Variants in RBFOX1 observed in about 807,000 individuals in gnomAD.
RBFOX1 encodes the protein RNA binding fox-1 homolog 1.
In RBFOX1, 8 loss-of-function variants were observed where a neutral mutation model predicts 57.7. The ratio of observed to expected loss-of-function variants is 0.14; its 90% CI spans 0.08 to 0.25. The LOEUF (loss-of-function observed/expected upper bound fraction) is 0.25. Ranked by LOEUF, RBFOX1 falls within the 10% of genes least tolerant of loss-of-function variation. RBFOX1 has a pLI of 1.00. For synonymous variants in RBFOX1, 326 were observed against 222.4 expected (o/e 1.47, Z -4.15); for missense variants, 611 against 548.5 (o/e 1.11, Z -1.14).
At chr16:6,597,535 T>C (rs556437652) in intron 2 of RBFOX1, among the ~76,000 whole-genome samples, 2 of 152,062 alleles carry the variant, frequency 1.3e-5, no homozygotes, top group South Asian at 4.2e-4. Context: ...TAGCCAGGCG[T>C]GGTTGCAGGC....
At chr16:6,905,779 C>T (rs2069721825) in intron 3 of RBFOX1, among the ~76,000 whole-genome samples, 1 of 152,198 alleles carries the variant, frequency 6.6e-6, no homozygotes, top group African/African-American at 2.4e-5. Flanking sequence ...TTTCAAGAGA[C>T]AGACTGAGCC....
chr16:7,024,812 G>C (rs1344887373), intron 3 of RBFOX1, among the ~76,000 whole-genome samples: 9 of 152,162 alleles, frequency 5.9e-5, no homozygotes, highest in Non-Finnish European at 5.9e-5. Context: ...GACCCTGTTG[G>C]ATGTTAACCA....
chr16:6,370,013 A>G (rs1184087438), intron 2 of RBFOX1, among the ~76,000 whole-genome samples: 1 of 152,086 alleles, frequency 6.6e-6, no homozygotes, highest in Non-Finnish European at 1.5e-5. Context: ...CTTTTAATCC[A>G]CAACAGTGAC....
At chr16:7,517,862 C>CTAATAT (rs1338066512) in intron 4 of RBFOX1, among the ~76,000 whole-genome samples, 1 of 151,954 alleles carries the variant, frequency 6.6e-6, no homozygotes, top group Non-Finnish European at 1.5e-5. Context: ...GCCACAGACC[C>CTAATAT]TCATGTCTTT....
At chr16:6,780,510 A>ATATACATTTTTATATATATT (rs1567218160) in intron 3 of RBFOX1, among the ~76,000 whole-genome samples, 2 of 115,142 alleles carry the variant, frequency 1.7e-5, no homozygotes, top group African/African-American at 6.5e-5. Flanking sequence ...TTATATATTT[A>ATATACATTTTTATATATATT]TATATACATT....
At chr16:5,312,706 C>G (rs2064125218) in intron 1 of RBFOX1, among the ~76,000 whole-genome samples, 1 of 152,208 alleles carries the variant, frequency 6.6e-6, no homozygotes, top group Non-Finnish European at 1.5e-5. Context: ...CAAAAGAAGA[C>G]ATACAAATGA....
At chr16:7,633,199 G>A (rs1293263629) in intron 11 of RBFOX1, among the ~76,000 whole-genome samples, 5 of 152,050 alleles carry the variant, frequency 3.3e-5, no homozygotes, top group Non-Finnish European at 5.9e-5. Flanking sequence ...TTAACAGTCC[G>A]GCTCTTTACA....
chr16:6,587,334 T>C (rs1457488050), intron 2 of RBFOX1, among the ~76,000 whole-genome samples: 1 of 152,154 alleles, frequency 6.6e-6, no homozygotes, highest in Non-Finnish European at 1.5e-5. Flanking sequence ...CAGGCTATAG[T>C]GCCGTGGTGC....
chr16:5,274,030 T>G (rs2151130817), intron 1 of RBFOX1, among the ~76,000 whole-genome samples: 1 of 152,312 alleles, frequency 6.6e-6, no homozygotes, highest in Non-Finnish European at 1.5e-5. Flanking sequence ...CTCTCAGGTT[T>G]GTGGGGAAGG....
chr16:6,736,253 T>C (rs2070265455), intron 3 of RBFOX1, among the ~76,000 whole-genome samples: 1 of 152,140 alleles, frequency 6.6e-6, no homozygotes, highest in African/African-American at 2.4e-5. Context: ...TTAGTGGTGA[T>C]TTGTGAGATT....
At chr16:7,110,836 T>C (rs976857858) in intron 4 of RBFOX1, among the ~76,000 whole-genome samples, 2 of 152,224 alleles carry the variant, frequency 1.3e-5, no homozygotes, top group South Asian at 4.1e-4. Context: ...ATATTTATTC[T>C]AGTATATAAC....
chr16:6,870,113 T>G (rs981209485), intron 3 of RBFOX1, among the ~76,000 whole-genome samples: 1 of 152,148 alleles, frequency 6.6e-6, no homozygotes, highest in African/African-American at 2.4e-5. Context: ...ATAATGATGA[T>G]TTTTTGCATA....
chr16:6,557,729 C>T (rs578088287), intron 2 of RBFOX1, among the ~76,000 whole-genome samples: 6 of 152,258 alleles, frequency 3.9e-5, no homozygotes, highest in African/African-American at 1.4e-4. Flanking sequence ...AAGCATTTTC[C>T]TTCTTCGGTA....
chr16:5,895,682 T>C (rs2058147160), intron 4 of RBFOX1, among the ~76,000 whole-genome samples: 1 of 152,166 alleles, frequency 6.6e-6, no homozygotes, highest in East Asian at 1.9e-4. Flanking sequence ...TCTTGCAGAC[T>C]TAGTCTTCTC....
At chr16:5,687,187 TA>T (rs1596755615) in intron 3 of RBFOX1, among the ~76,000 whole-genome samples, 1 of 152,056 alleles carries the variant, frequency 6.6e-6, no homozygotes, top group East Asian at 1.9e-4. Context: ...TACAGTGGAA[TA>T]GGGGGAGACA....
chr16:5,283,269 A>G (rs11646165), intron 1 of RBFOX1, among the ~76,000 whole-genome samples: 19,585 of 152,220 alleles, frequency 0.13, 1,339 homozygotes, highest in Middle Eastern at 0.18. Context: ...GAGAACCTCT[A>G]CTAGGGCAGT....
intron 3 of RBFOX1, among the ~76,000 whole-genome samples, chr16:6,716,335 C>G (rs1192519772): frequency 2.0e-5 from 3 of 152,176 alleles, no homozygotes; most frequent in Non-Finnish European, 4.4e-5. Context: ...CCATGACCTT[C>G]CCTCTTGCTC....
At chr16:7,447,641 A>C (rs913553097) in intron 4 of RBFOX1, among the ~76,000 whole-genome samples, 5 of 152,178 alleles carry the variant, frequency 3.3e-5, no homozygotes, top group Non-Finnish European at 7.3e-5. Context: ...GCTGTATCCC[A>C]AACTTTTCCT....
intron 14 of RBFOX1, among the ~76,000 whole-genome samples, chr16:7,705,985 C>G (rs544939535): frequency 4.4e-4 from 67 of 152,298 alleles, no homozygotes; most frequent in African/African-American, 1.6e-3. Context: ...CGTGTCCTAA[C>G]ATGGCGACCG....
Sources: gnomAD v4.1 joint callset for allele counts (sites outside exome capture counted in the v4.1 genomes callset) on GRCh38, gnomAD v4.1.1 for gene constraint, MANE v1.5 for transcripts, NCBI Gene and HGNC (gene_info 2026-07-23, HGNC 2026-07-21) for gene names.